Variants in PIEZO2 observed in about 807,000 individuals in gnomAD.
The protein encoded by PIEZO2 is piezo-type mechanosensitive ion channel component 2.
In PIEZO2, 172 loss-of-function variants were observed where a neutral mutation model predicts 337.3. The ratio of observed to expected loss-of-function variants is 0.51; its 90% CI spans 0.45 to 0.58. The LOEUF (loss-of-function observed/expected upper bound fraction) is 0.58, where lower values mean the gene tolerates loss of function less well. Among genes scored for constraint, PIEZO2 ranks in the 20% least tolerant of loss-of-function variants. PIEZO2 has a pLI of 0.00. For missense variants in PIEZO2, 3,028 were observed against 3,391.3 expected (o/e 0.89, Z 2.66); for synonymous variants, 1,251 against 1,228.5 (o/e 1.02, Z -0.38).
chr18:10,919,221 A>G (rs1265931096), intron 3 of PIEZO2, among the ~76,000 whole-genome samples: 3 of 152,028 alleles, frequency 2.0e-5, no homozygotes, highest in Non-Finnish European at 4.4e-5. Flanking sequence ...CCCATTGTCT[A>G]TTAGATGTTT....
Position 10,705,540 on chromosome 18 carries a change from G to A in PIEZO2, c.5795C>T (p.Ser1932Phe). The A allele has an allele frequency of 2.6e-6, 4 of 1,537,224 alleles. No individual in the cohort carries two copies. The highest frequency in any genetic ancestry group is 3.5e-6 in the Non-Finnish European group (4 of 1,146,896). The change falls in exon 41 of 56, where the codon TCC becomes TTC. Residue 1932 changes from serine to phenylalanine, a missense_variant. By Grantham distance (155) the Ser-to-Phe change is radical. Coordinates refer to ENST00000674853, the MANE Select transcript of PIEZO2 (RefSeq NM_001378183.1). Reference sequence around the variant, plus strand: ...GGCCTCCACATCCCCGTCCAAGGTGGAGAACTGTGTCAGCTCTTCCTCTGG... The same window carrying A: ...GGCCTCCACATCCCCGTCCAAGGTGAAGAACTGTGTCAGCTCTTCCTCTGG... ...LTPEEELTQF[S>F]TLDGDVEAPP...
At chr18:11,026,556 C>T (rs939094867) in intron 2 of PIEZO2, among the ~76,000 whole-genome samples, 6 of 152,158 alleles carry the variant, frequency 3.9e-5, no homozygotes, top group Non-Finnish European at 5.9e-5. Context: ...GTGCTGATGC[C>T]GATGCACTGT....
chr18:10,958,855 A>G (rs1707653340), intron 3 of PIEZO2, among the ~76,000 whole-genome samples: 1 of 152,204 alleles, frequency 6.6e-6, no homozygotes, highest in South Asian at 2.1e-4. Context: ...ATAAATTGAA[A>G]TACCAAGTCT....
intron 7 of PIEZO2, among the ~76,000 whole-genome samples, chr18:10,825,042 T>A (rs1241906451): frequency 1.3e-5 from 2 of 152,084 alleles, no homozygotes; most frequent in Non-Finnish European, 2.9e-5. Context: ...TTTTGTATGT[T>A]TCATAGAGAT....
Position 11,116,016 on chromosome 18 carries a change from C to G in PIEZO2, c.64+32509G>C, listed in dbSNP as rs115234184. On this transcript the variant is annotated intron_variant, in intron 1 of 55. Coordinates refer to ENST00000674853, the MANE Select transcript of PIEZO2 (RefSeq NM_001378183.1). The surrounding 1 kb of genome is among the most constrained non-coding windows in gnomAD (Gnocchi z 5.0). ...TAAGTTTTAACTGGTTTGGGAGAAA[C>G]TTCTCAAACATGTTTTAGGAGGAAA... Among the ~76,000 whole-genome samples the G allele has an allele frequency of 1.8e-3, 271 of 152,216 alleles. 1 individual carries two copies. Among genetic ancestry groups the G allele is most frequent in the African/African-American group, 6.0e-3 (249 of 41,546 alleles).
At chr18:11,030,599 CA>C (rs2036696020) in intron 2 of PIEZO2, among the ~76,000 whole-genome samples, 1 of 152,078 alleles carries the variant, frequency 6.6e-6, no homozygotes, top group East Asian at 1.9e-4. Flanking sequence ...TTCTGAAAGC[CA>C]AAACAATGTC....
At chr18:11,015,431 C>T (rs558317045) in intron 2 of PIEZO2, among the ~76,000 whole-genome samples, 11 of 152,214 alleles carry the variant, frequency 7.2e-5, no homozygotes, top group Admixed American at 1.3e-4. Context: ...AGAGAATATT[C>T]TCTGGCAATA....
chr18:11,110,334 T>G lies in PIEZO2; in HGVS notation c.64+38191A>C, dbSNP rs1171010881. 6.6e-6 allele frequency among the ~76,000 whole-genome samples: 1 copy of G among 152,236 alleles called. No homozygotes were observed. Among genetic ancestry groups the G allele is most frequent in the Non-Finnish European group, 1.5e-5 (1 of 68,032 alleles). On this transcript the variant is annotated intron_variant, in intron 1 of 55. Coordinates refer to ENST00000674853, the MANE Select transcript of PIEZO2 (RefSeq NM_001378183.1). The surrounding 1 kb of genome is among the most constrained non-coding windows in gnomAD (Gnocchi z 4.2). ...AAAGGTAAATCTCAATTCTGTTCTTTCTTTTCCAGAAATATCGTTTTATTT... is the reference window on the plus strand; with the variant it reads ...AAAGGTAAATCTCAATTCTGTTCTTGCTTTTCCAGAAATATCGTTTTATTT...
At chr18:10,930,503 C>G (rs991436907) in intron 3 of PIEZO2, among the ~76,000 whole-genome samples, 1 of 152,240 alleles carries the variant, frequency 6.6e-6, no homozygotes, top group African/African-American at 2.4e-5. Flanking sequence ...CCTGTAACTT[C>G]TGTCCCCTAA....
chr18:11,148,570 A>G lies in PIEZO2; in HGVS notation c.19T>C (p.Cys7Arg). The change falls in exon 1 of 56, where the codon TGC becomes CGC. Residue 7 changes from cysteine (C) to arginine (R), a missense_variant. By Grantham distance (180) the Cys-to-Arg change is radical. Transcript: ENST00000674853. The surrounding 1 kb of genome is among the most constrained non-coding windows in gnomAD (Gnocchi z 5.2). MASEVVCGLIFRLLLPI... is the reference protein window; with the variant it reads MASEVVRGLIFRLLLPI... ...AGCAGCAGCCTGAAGATGAGCCCGC[A>G]CACCACTTCTGAGGCCATCGCGTCG... 1 of 1,537,142 alleles carries G rather than the reference A, an allele frequency of 6.5e-7. No homozygotes were observed. Among genetic ancestry groups the G allele is most frequent in the South Asian group, 1.2e-5 (1 of 84,062 alleles).
At position 10,973,499 on chromosome 18, in the gene PIEZO2, T is replaced by A. The variant is rs1025834442; in HGVS notation, c.286+6036A>T. On this transcript the variant is annotated intron_variant, in intron 3 of 55. Coordinates refer to ENST00000674853, the MANE Select transcript of PIEZO2 (RefSeq NM_001378183.1). This position sits in a 1 kb window ranked among gnomAD's most constrained non-coding sequence, Gnocchi z 4.9. ...ACTTAAGGCAAAGTTCTCCTATACA[T>A]GATCAGAAGGTATATATATGATCCA... 7.2e-5 allele frequency among the ~76,000 whole-genome samples: 11 copies of A among 152,230 alleles called. No individual in the cohort carries two copies. The highest frequency in any genetic ancestry group is 1.5e-4 in the Non-Finnish European group (10 of 68,044).
chr18:10,965,026 A>G (rs2033939492), intron 3 of PIEZO2, among the ~76,000 whole-genome samples: 2 of 152,104 alleles, frequency 1.3e-5, no homozygotes, highest in East Asian at 1.9e-4. Flanking sequence ...TTTCTAATCT[A>G]TTTTTTCTAT....
chr18:11,127,821 G>GTGTGTGTC lies in PIEZO2; in HGVS notation c.64+20703_64+20704insGACACACA, dbSNP rs1439875250. ...TGTGTGCATGTGTGTGTGTGTGTGTGTGTGTATCCTATTAGTTCTCTTCCT... is the reference window on the plus strand; with the variant it reads ...TGTGTGCATGTGTGTGTGTGTGTGTGTGTGTGTCTGTGTATCCTATTAGTTCTCTTCCT... On this transcript the variant is annotated intron_variant, in intron 1 of 55. Coordinates refer to ENST00000674853, the MANE Select transcript of PIEZO2 (RefSeq NM_001378183.1). The surrounding 1 kb of genome is among the most constrained non-coding windows in gnomAD (Gnocchi z 4.5). Among the ~76,000 whole-genome samples, 2 of 151,318 alleles carry GTGTGTGTC rather than the reference G, an allele frequency of 1.3e-5. No individual in the cohort carries two copies. The highest frequency in any genetic ancestry group is 4.9e-5 in the African/African-American group (2 of 41,136).
rs1313590229 is a variant in PIEZO2, at chr18:11,031,164, G to GT, written c.160+34962dup. ...GCCACCATGCCTGGCTAATTTTTTT[G>GT]TATTTTTTTTTTTTTTAGTGGAGAT... is the stretch of plus-strand genomic sequence containing the variant. On this transcript the variant is annotated intron_variant, in intron 2 of 55. Coordinates refer to ENST00000674853, the MANE Select transcript of PIEZO2 (RefSeq NM_001378183.1). This position sits in a 1 kb window ranked among gnomAD's most constrained non-coding sequence, Gnocchi z 4.7. Among the ~76,000 whole-genome samples the GT allele has an allele frequency of 2.1e-5, 3 of 142,460 alleles. No individual in the cohort carries two copies. The highest frequency in any genetic ancestry group is 8.3e-5 in the African/African-American group (3 of 36,118). 93.5% of individuals were successfully genotyped at this position (142,460 alleles called of 152,430 possible). A position where few individuals can be genotyped will look rare whatever the true frequency, so the allele number is the denominator to read the frequency against.
intron 3 of PIEZO2, among the ~76,000 whole-genome samples, chr18:10,966,942 C>A (rs1450520501): frequency 6.6e-6 from 1 of 151,644 alleles, no homozygotes; most frequent in Non-Finnish European, 1.5e-5. Context: ...GATGCAAATG[C>A]CATTATTTTG....
At position 11,146,029 on chromosome 18, in the gene PIEZO2, AAC is replaced by A. The variant is rs1320471108; in HGVS notation, c.64+2494_64+2495del. 6.6e-6 allele frequency among the ~76,000 whole-genome samples: 1 copy of A among 152,092 alleles called. No homozygotes were observed. Among genetic ancestry groups the A allele is most frequent in the Admixed American group, 6.6e-5 (1 of 15,260 alleles). On this transcript the variant is annotated intron_variant, in intron 1 of 55. Coordinates refer to ENST00000674853, the MANE Select transcript of PIEZO2 (RefSeq NM_001378183.1). This position sits in a 1 kb window ranked among gnomAD's most constrained non-coding sequence, Gnocchi z 6.1. The stretch of plus-strand genomic sequence containing the variant: ...CATACTCACACTCACACATACTCAT[AAC>A]ACATGTGCACACTCACACTTATGCA...
At position 10,954,801 on chromosome 18, in the gene PIEZO2, C is replaced by A. The variant is rs1391815954; in HGVS notation, c.286+24734G>T. ...GAGAAGCATCTGACGCTAAAGAGAA[C>A]AGAGAACTCAGAATGCAAGGCCTTC... On this transcript the variant is annotated intron_variant, in intron 3 of 55. Coordinates refer to ENST00000674853, the MANE Select transcript of PIEZO2 (RefSeq NM_001378183.1). This position sits in a 1 kb window ranked among gnomAD's most constrained non-coding sequence, Gnocchi z 4.2. Among the ~76,000 whole-genome samples, 1 of 152,218 alleles carries A rather than the reference C, an allele frequency of 6.6e-6. No individual in the cohort carries two copies. Among genetic ancestry groups the A allele is most frequent in the Admixed American group, 6.5e-5 (1 of 15,276 alleles).
At chr18:10,914,157 G>A (rs1427401132) in intron 3 of PIEZO2, among the ~76,000 whole-genome samples, 3 of 152,020 alleles carry the variant, frequency 2.0e-5, no homozygotes, top group Non-Finnish European at 2.9e-5. Context: ...ATTCACTTTC[G>A]CCAAAGCAGT....
At chr18:10,908,412 A>T (rs2030153450) in intron 4 of PIEZO2, 1 of 152,258 alleles carries the variant, frequency 6.6e-6, no homozygotes, top group Non-Finnish European at 1.5e-5. Flanking sequence ...TGATGAAAAG[A>T]TCGATAGCTT....
Sources: gnomAD v4.1 joint callset for allele counts (sites outside exome capture counted in the v4.1 genomes callset) on GRCh38, gnomAD v4.1.1 for gene constraint, Gnocchi (gnomAD v3.1) non-coding constraint, MANE v1.5 for transcripts, NCBI Gene and HGNC (gene_info 2026-07-23, HGNC 2026-07-21) for gene names.